Variants in ZNF420 observed in about 807,000 individuals in gnomAD.
ZNF420 encodes the protein ATM and p53-associated KZNF protein.
A neutral mutation model predicts 44.7 loss-of-function variants in ZNF420; 31 were observed. The ratio of observed to expected loss-of-function variants is 0.69; its 90% CI spans 0.52 to 0.94. The LOEUF is 0.94. Among genes scored for constraint, ZNF420 ranks in the 40% least tolerant of loss-of-function variants. The pLI, the probability that ZNF420 is intolerant of heterozygous loss-of-function variation, is 0.00. For synonymous variants in ZNF420, 245 were observed against 267.4 expected, an observed-to-expected ratio of 0.92 and a Z score of 0.82; for missense variants, 681 against 827.9, an observed-to-expected ratio of 0.82 and a Z score of 2.18.
At chr19:37,024,872 A>G (rs1180444258) in intron 1 of ZNF420, 1 of 154,918 alleles carries the variant, frequency 6.5e-6, no homozygotes, top group African/African-American at 2.4e-5. Context: ...ATGAGCCACC[A>G]CACCCTGCCG....
At chr19:37,094,818 G>A (rs1248806685) in intron 4 of ZNF420, among the ~76,000 whole-genome samples, 1 of 152,090 alleles carries the variant, frequency 6.6e-6, no homozygotes, top group Non-Finnish European at 1.5e-5. Context: ...TTTATCAACA[G>A]TGGCTATTAG....
At chr19:37,041,882 T>C (rs62109885) in intron 1 of ZNF420, among the ~76,000 whole-genome samples, 24,961 of 152,272 alleles carry the variant, frequency 0.16, 2,576 homozygotes, top group South Asian at 0.24. Flanking sequence ...CATGATTATC[T>C]CTATTTCTTT....
At chr19:37,017,258 T>A (rs2074615125) in intron 1 of ZNF420, among the ~76,000 whole-genome samples, 1 of 152,204 alleles carries the variant, frequency 6.6e-6, no homozygotes, top group African/African-American at 2.4e-5. Context: ...AGAGTAGTCT[T>A]GTGGGACTGA....
At chr19:37,073,200 C>T (rs1391141028) in intron 1 of ZNF420, among the ~76,000 whole-genome samples, 2 of 151,960 alleles carry the variant, frequency 1.3e-5, no homozygotes, top group African/African-American at 2.4e-5. Flanking sequence ...GAGCGAGACC[C>T]CATCTCTTTA....
intron 1 of ZNF420, among the ~76,000 whole-genome samples, chr19:37,079,004 C>T (rs908303021): frequency 6.6e-6 from 1 of 152,008 alleles, no homozygotes; most frequent in Middle Eastern, 3.2e-3. Context: ...TGTTTATTAC[C>T]GCGTGTTTCC....
chr19:37,023,452 G>A (rs2146386842), intron 1 of ZNF420, among the ~76,000 whole-genome samples: 1 of 152,014 alleles, frequency 6.6e-6, no homozygotes, highest in East Asian at 2.0e-4. Context: ...TGCAGCCTCT[G>A]CCTCCTGGGT....
chr19:37,049,855 C>T (rs1333451448), intron 1 of ZNF420, among the ~76,000 whole-genome samples: 2 of 152,158 alleles, frequency 1.3e-5, no homozygotes, highest in Non-Finnish European at 2.9e-5. Context: ...TTAGGTCTAA[C>T]ATTTAAGTCT....
chr19:37,099,492 C>T (rs1969643105), intron 4 of ZNF420, among the ~76,000 whole-genome samples: 1 of 152,120 alleles, frequency 6.6e-6, no homozygotes, highest in South Asian at 2.1e-4. Context: ...AATGCCTATT[C>T]AAATCTTTTG....
chr19:37,020,216 C>CAAAA (rs376616699), intron 1 of ZNF420, among the ~76,000 whole-genome samples: 5 of 99,876 alleles, frequency 5.0e-5, no homozygotes, highest in African/African-American at 7.4e-5. Context: ...GACTCCGTCT[C>CAAAA]AAAAAAAAAA....
chr19:37,110,640 A>G (rs1476435791), intron 4 of ZNF420, among the ~76,000 whole-genome samples: 2 of 152,220 alleles, frequency 1.3e-5, no homozygotes, highest in Non-Finnish European at 2.9e-5. Context: ...TGTAGCCTGT[A>G]CTACATATGC....
chr19:37,129,932 T>C lies in ZNF420; in HGVS notation c.*874T>C. On this transcript the variant is annotated 3_prime_UTR_variant, in exon 5 of 5. Coordinates refer to ENST00000337995, the MANE Select transcript of ZNF420 (RefSeq NM_144689.5). ...ACAAAATAACTGATATTACAGACTATTTTGCAATGAAAAATGATGAGAGTT... is the reference window on the plus strand; with the variant it reads ...ACAAAATAACTGATATTACAGACTACTTTGCAATGAAAAATGATGAGAGTT... The C allele has an allele frequency of 7.3e-7, 1 of 1,375,256 alleles. No individual in the cohort carries two copies. Among genetic ancestry groups the C allele is most frequent in the South Asian group, 1.7e-5 (1 of 58,152 alleles). 85.2% of individuals were successfully genotyped at this position (1,375,256 alleles called of 1,614,324 possible).
chr19:37,024,766 G>C (rs1340849806), intron 1 of ZNF420: 1 of 152,000 alleles, frequency 6.6e-6, no homozygotes, highest in Non-Finnish European at 1.5e-5. Context: ...TTTTTAAATA[G>C]AGATGGGGTC....
At chr19:37,045,114 TTC>T (rs1967520751) in intron 1 of ZNF420, among the ~76,000 whole-genome samples, 1 of 152,234 alleles carries the variant, frequency 6.6e-6, no homozygotes, top group Non-Finnish European at 1.5e-5. Context: ...GCTAAGTTTT[TTC>T]TGTTTGCTTC....
At chr19:37,109,424 A>G (rs1228684559) in intron 4 of ZNF420, 1 of 152,240 alleles carries the variant, frequency 6.6e-6, no homozygotes, top group Non-Finnish European at 1.5e-5. Flanking sequence ...TGCAAGCAGC[A>G]TACTCTCTGG....
chr19:37,047,085 A>G (rs1000961159), intron 1 of ZNF420, among the ~76,000 whole-genome samples: 1 of 151,840 alleles, frequency 6.6e-6, no homozygotes, highest in South Asian at 2.1e-4. Flanking sequence ...GAGCCAATGT[A>G]TGCTATGAGC....
chr19:37,055,290 GC>G (rs1169683614), intron 1 of ZNF420, among the ~76,000 whole-genome samples: 3 of 152,120 alleles, frequency 2.0e-5, no homozygotes, highest in African/African-American at 7.2e-5. Context: ...GGAGGCTGAG[GC>G]AAAAAAATCG....
chr19:37,119,486 A>G (rs1478843092), intron 4 of ZNF420, among the ~76,000 whole-genome samples: 1 of 152,212 alleles, frequency 6.6e-6, no homozygotes, highest in Admixed American at 6.5e-5. Context: ...GTAGAGGGAA[A>G]TATATAGCAC....
At chr19:37,076,559 T>C (rs1258508164), upstream of ZNF420, among the ~76,000 whole-genome samples, 1 of 152,134 alleles carries the variant, frequency 6.6e-6, no homozygotes, top group Non-Finnish European at 1.5e-5. Flanking sequence ...GTGTGTGATG[T>C]TCCTTACCCT....
intron 1 of ZNF420, among the ~76,000 whole-genome samples, chr19:37,013,197 C>A (rs1426439896): frequency 1.2e-4 from 18 of 152,064 alleles, no homozygotes; most frequent in Admixed American, 1.2e-3. Context: ...CCCATGTAGA[C>A]CTGGCTAATG....
Sources: gnomAD v4.1 joint callset for allele counts (sites outside exome capture counted in the v4.1 genomes callset) on GRCh38, gnomAD v4.1.1 for gene constraint, MANE v1.5 for transcripts, NCBI Gene and HGNC (gene_info 2026-07-23, HGNC 2026-07-21) for gene names.